The following HLCS variants were observed in gnomAD, a reference collection of about 807,000 sequenced individuals.
HLCS encodes the protein holocarboxylase synthetase.
Under a neutral mutation model 75.0 loss-of-function variants are expected in HLCS, and 53 were observed. The ratio of observed to expected loss-of-function variants is 0.71; its 90% confidence interval spans 0.57 to 0.89. The LOEUF is 0.89. Among genes scored for constraint, HLCS ranks in the 40% least tolerant of loss-of-function variants. The probability of loss-of-function intolerance (pLI) is 0.00; values close to 1 mark genes in which losing one functional copy is unlikely to be tolerated. For missense variants in HLCS, 966 were observed against 1,074.0 expected (o/e 0.90, Z 1.41); for synonymous variants, 431 against 428.6 (o/e 1.01, Z -0.07).
intron 2 of HLCS, chr21:36,947,776 T>C (rs2146587524): frequency 1.0e-6 from 1 of 985,478 alleles, no homozygotes; most frequent in Non-Finnish European, 1.2e-6. Flanking sequence ...CTAGCACAGG[T>C]GGCCCTGCCC....
chr21:36,961,996 C>T, intron 2 of HLCS, 40 bp downstream of exon 2: 1 of 1,203,114 alleles, frequency 8.3e-7, no homozygotes, highest in Non-Finnish European at 1.1e-6. Context: ...GACTAAGACA[C>T]ATCAGTTCCT....
intron 6 of HLCS, among the ~76,000 whole-genome samples, chr21:36,777,206 T>C (rs906173494): frequency 6.6e-6 from 1 of 152,220 alleles, no homozygotes; most frequent in Non-Finnish European, 1.5e-5. Flanking sequence ...CAGAACAGTT[T>C]CCCTGCCCTA....
intron 5 of HLCS, among the ~76,000 whole-genome samples, chr21:36,906,060 A>C (rs929458135): frequency 1.8e-4 from 28 of 151,556 alleles, no homozygotes; most frequent in Non-Finnish European, 3.7e-4. Context: ...AAAAAAAAAA[A>C]AAAACAAAAC....
At chr21:36,835,560 G>T (rs1443728227) in intron 6 of HLCS, among the ~76,000 whole-genome samples, 4 of 152,184 alleles carry the variant, frequency 2.6e-5, no homozygotes, top group Non-Finnish European at 4.4e-5. Flanking sequence ...CTGCAGGGTA[G>T]TATCCTACTC....
chr21:36,813,315 A>G (rs1448795325), intron 6 of HLCS, among the ~76,000 whole-genome samples: 1 of 152,168 alleles, frequency 6.6e-6, no homozygotes, highest in East Asian at 1.9e-4. Flanking sequence ...AATTTCCTGT[A>G]ATAATCTCAC....
At chr21:36,829,445 A>C (rs149364558) in intron 6 of HLCS, among the ~76,000 whole-genome samples, 4 of 152,358 alleles carry the variant, frequency 2.6e-5, no homozygotes, top group African/African-American at 9.6e-5. Flanking sequence ...ATATAAACAT[A>C]ATTTACAGTA....
At chr21:36,866,839 AG>A (rs1475024995) in intron 6 of HLCS, among the ~76,000 whole-genome samples, 3 of 146,224 alleles carry the variant, frequency 2.1e-5, no homozygotes, top group African/African-American at 7.8e-5. Flanking sequence ...GAATTTGAGT[AG>A]TTTTTTTTTT....
intron 6 of HLCS, among the ~76,000 whole-genome samples, chr21:36,841,271 T>C (rs2062605895): frequency 6.6e-6 from 1 of 152,250 alleles, no homozygotes; most frequent in Non-Finnish European, 1.5e-5. Context: ...TCGGGGAATT[T>C]GTCTGTCTTC....
At chr21:36,987,669 G>A (rs1012501649) in intron 1 of HLCS, among the ~76,000 whole-genome samples, 2 of 152,030 alleles carry the variant, frequency 1.3e-5, no homozygotes, top group Non-Finnish European at 2.9e-5. Context: ...CACTATAAAG[G>A]TTCCTTTTTT....
chr21:36,893,323 C>A (rs537100676), intron 6 of HLCS, among the ~76,000 whole-genome samples: 2 of 152,110 alleles, frequency 1.3e-5, no homozygotes, highest in Non-Finnish European at 2.9e-5. Flanking sequence ...CCACCCACCT[C>A]GGCCTCCCAA....
chr21:36,962,358 CA>C (rs1425237846), intron 1 of HLCS, among the ~76,000 whole-genome samples, 188 bp from the exon 2 acceptor site: 1 of 152,154 alleles, frequency 6.6e-6, no homozygotes, highest in Non-Finnish European at 1.5e-5. Flanking sequence ...TAAGCACCTG[CA>C]AAAGCCCATC....
chr21:36,909,238 A>G (rs1237911842), intron 5 of HLCS, among the ~76,000 whole-genome samples: 1 of 152,206 alleles, frequency 6.6e-6, no homozygotes, highest in African/African-American at 2.4e-5. Context: ...GGAATACTGG[A>G]AATGTTCTGT....
Position 36,957,898 on chromosome 21 carries a change from C to T in HLCS, c.330+4138G>A, listed in dbSNP as rs1319623948. 2.9e-5 allele frequency among the ~76,000 whole-genome samples: 4 copies of T among 140,076 alleles called. No individual in the cohort carries two copies. The East Asian group carries it at 6.7e-4, about 23-fold the overall frequency. The allele number at this position is 140,076 out of a possible 152,430, so 91.9% of individuals were successfully genotyped here. A position where few individuals can be genotyped will look rare whatever the true frequency, so the allele number is the denominator to read the frequency against. The stretch of plus-strand genomic sequence containing the variant: ...GAGCCGAGATCGCGCCACTGCACTT[C>T]GGCCTGGGCAACTGAGCAAGACTGC... On this transcript the variant is annotated intron_variant, in intron 2 of 10. Transcript: ENST00000674895.
chr21:36,897,192 C>A, intron 5 of HLCS, 61 bp from the exon 6 acceptor site: 1 of 1,577,856 alleles, frequency 6.3e-7, no homozygotes, highest in Non-Finnish European at 8.7e-7. Flanking sequence ...ATCATGGTAG[C>A]TTTTCCTTAT....
At chr21:36,976,398 A>G (rs551283851) in intron 1 of HLCS, among the ~76,000 whole-genome samples, 1 of 134,404 alleles carries the variant, frequency 7.4e-6, no homozygotes, top group African/African-American at 2.8e-5. Context: ...TCAGTCACAC[A>G]CACACACACA....
At chr21:36,965,413 C>T (rs762960870) in intron 1 of HLCS, among the ~76,000 whole-genome samples, 2 of 152,216 alleles carry the variant, frequency 1.3e-5, no homozygotes, top group Admixed American at 6.5e-5. Flanking sequence ...TTTCCAAAAA[C>T]AGCTGAATGG....
intron 9 of HLCS, among the ~76,000 whole-genome samples, chr21:36,758,810 G>A (rs967086522): frequency 1.3e-5 from 2 of 152,042 alleles, no homozygotes; most frequent in East Asian, 3.9e-4. Context: ...GTGAAACCCT[G>A]TGTCTACTAA....
intron 6 of HLCS, among the ~76,000 whole-genome samples, chr21:36,868,328 C>T (rs2063644808): frequency 7.2e-6 from 1 of 138,144 alleles, no homozygotes; most frequent in Non-Finnish European, 1.5e-5. Flanking sequence ...TATATTAACA[C>T]CATATCAAAA....
rs932456635 is a variant in HLCS, at chr21:36,897,087, G to A, written c.1665C>T (p.Asp555=). The change falls in exon 6 of 11, where the codon GAC becomes GAT. Residue 555 remains aspartate (D), a synonymous_variant. Transcript: ENST00000674895. ...PLMQWLGKHV[D]SEGEIKSGQL... is the part of the protein sequence containing the mutation. ...GGCCGGATTTTATTTCTCCCTCGGA[G>A]TCCACATGTTTCCCAAGCCACTGCA... 7 of 1,613,982 alleles carry A rather than the reference G, an allele frequency of 4.3e-6. No homozygotes were observed. The African/African-American group carries it at 9.3e-5, about 22-fold the overall frequency.
Sources: allele counts gnomAD v4.1 joint callset (sites outside exome capture counted in the v4.1 genomes callset), GRCh38; gene constraint gnomAD v4.1.1; transcripts MANE v1.5; gene names NCBI Gene and HGNC (gene_info 2026-07-23, HGNC 2026-07-21).